HS3ST5: variants seen among roughly 807,000 people sequenced by gnomAD.
HS3ST5 encodes the protein heparan sulfate glucosamine 3-O-sulfotransferase 5.
In HS3ST5, 10 loss-of-function variants were observed where a neutral mutation model predicts 25.4. That is an observed-to-expected ratio of 0.39 (90% CI 0.24 to 0.67). The LOEUF (loss-of-function observed/expected upper bound fraction) is 0.67. Ranked by LOEUF, HS3ST5 falls within the 30% of genes least tolerant of loss-of-function variation. HS3ST5 has a pLI of 0.44. For missense variants in HS3ST5, 324 were observed against 420.7 expected (o/e 0.77, Z 2.01); for synonymous variants, 170 against 162.4 (o/e 1.05, Z -0.36).
At chr6:114,195,281 A>T (rs777373952) in intron 2 of HS3ST5, among the ~76,000 whole-genome samples, 1 of 152,142 alleles carries the variant, frequency 6.6e-6, no homozygotes, top group Non-Finnish European at 1.5e-5. Context: ...ATTTTGGTGA[A>T]GGGAAGTTGC....
chr6:114,243,171 C>T (rs1772219906), intron 1 of HS3ST5, among the ~76,000 whole-genome samples: 1 of 152,192 alleles, frequency 6.6e-6, no homozygotes, highest in African/African-American at 2.4e-5. Flanking sequence ...ACTCCTCAGC[C>T]TATCCCAGCC....
At chr6:114,318,436 A>C (rs537763214) in intron 1 of HS3ST5, among the ~76,000 whole-genome samples, 5 of 152,098 alleles carry the variant, frequency 3.3e-5, no homozygotes, top group Admixed American at 6.5e-5. Context: ...CAGACTCTTT[A>C]AGTAGATTTT....
At chr6:114,145,026 C>T (rs1299348036) in intron 3 of HS3ST5, among the ~76,000 whole-genome samples, 4 of 152,186 alleles carry the variant, frequency 2.6e-5, no homozygotes, top group Admixed American at 1.3e-4. Flanking sequence ...AAATTACTCT[C>T]ACTTGTGCTC....
chr6:114,185,812 T>A (rs1028641577), intron 2 of HS3ST5, among the ~76,000 whole-genome samples: 28 of 151,386 alleles, frequency 1.8e-4, no homozygotes, highest in African/African-American at 6.8e-4. Context: ...CAATCCCAGC[T>A]CACGCAGCCT....
chr6:114,246,714 G>A (rs887203519), intron 1 of HS3ST5, among the ~76,000 whole-genome samples: 1 of 152,146 alleles, frequency 6.6e-6, no homozygotes, highest in African/African-American at 2.4e-5. Flanking sequence ...ATATTGGCGC[G>A]TTTGTTTAGA....
chr6:114,071,037 G>A (rs1454450236), intron 3 of HS3ST5, among the ~76,000 whole-genome samples: 1 of 152,108 alleles, frequency 6.6e-6, no homozygotes, highest in African/African-American at 2.4e-5. Flanking sequence ...TTATCCACAA[G>A]ACCCTGTACT....
intron 1 of HS3ST5, among the ~76,000 whole-genome samples, chr6:114,254,400 G>C (rs934961933): frequency 1.3e-4 from 20 of 152,226 alleles, no homozygotes; most frequent in Admixed American, 1.2e-3. Context: ...CATACCCGTA[G>C]GGGTGCTAGG....
rs1346478673 is a variant in HS3ST5, at chr6:114,056,934, T to C, written c.*323A>G. On this transcript the variant is annotated 3_prime_UTR_variant, in exon 5 of 5. Coordinates refer to ENST00000312719, the MANE Select transcript of HS3ST5 (RefSeq NM_153612.4). ...ACACATTTATCTTTTGGCTTAAATCTATGAAAATGGCGGGTGACAAATTCT... is the reference window on the plus strand; with the variant it reads ...ACACATTTATCTTTTGGCTTAAATCCATGAAAATGGCGGGTGACAAATTCT... 4.4e-6 allele frequency: 1 copy of C among 226,096 alleles called. No individual in the cohort carries two copies. Among genetic ancestry groups the C allele is most frequent in the Admixed American group, 5.2e-5 (1 of 19,356 alleles). 14.0% of individuals were successfully genotyped at this position (226,096 alleles called of 1,614,324 possible).
chr6:114,341,171 G>GGA (rs796887416), intron 1 of HS3ST5, among the ~76,000 whole-genome samples: 13 of 82,690 alleles, frequency 1.6e-4, no homozygotes, highest in African/African-American at 7.4e-4. Flanking sequence ...GGGGAGGGAG[G>GGA]GAGGGAGAGG....
At chr6:114,340,864 TACTAAGTAAA>T (rs1450732234) in intron 1 of HS3ST5, 3 of 152,158 alleles carry the variant, frequency 2.0e-5, no homozygotes, top group Non-Finnish European at 4.4e-5. Context: ...ATGTAGAAAC[TACTAAGTAAA>T]ACCTTTGAGA....
At chr6:114,100,178 C>T (rs1359566755) in intron 3 of HS3ST5, among the ~76,000 whole-genome samples, 1 of 152,150 alleles carries the variant, frequency 6.6e-6, no homozygotes, top group African/African-American at 2.4e-5. Flanking sequence ...GAACCATACA[C>T]AAACAGACCA....
chr6:114,234,364 A>T (rs996832872), intron 1 of HS3ST5, among the ~76,000 whole-genome samples: 2 of 150,930 alleles, frequency 1.3e-5, no homozygotes, highest in Non-Finnish European at 3.0e-5. Context: ...CTCTTGCATG[A>T]AATGCATTTT....
chr6:114,280,642 A>G (rs1774065705), intron 1 of HS3ST5, among the ~76,000 whole-genome samples: 1 of 152,004 alleles, frequency 6.6e-6, no homozygotes, highest in African/African-American at 2.4e-5. Flanking sequence ...ATTTCAGTAC[A>G]ATTATTTTCC....
intron 1 of HS3ST5, among the ~76,000 whole-genome samples, chr6:114,255,683 A>G (rs1772873776): frequency 6.6e-6 from 1 of 152,172 alleles, no homozygotes; most frequent in Non-Finnish European, 1.5e-5. Context: ...TTCTGTGTAC[A>G]TGCAGGCCCA....
At chr6:114,219,013 C>T (rs557291775) in intron 2 of HS3ST5, among the ~76,000 whole-genome samples, 31 of 152,074 alleles carry the variant, frequency 2.0e-4, no homozygotes, top group Admixed American at 2.6e-4. Context: ...CTTTGTTACC[C>T]GTAAAGTGGT....
At chr6:114,238,642 A>T (rs1034861439) in intron 1 of HS3ST5, among the ~76,000 whole-genome samples, 1 of 152,132 alleles carries the variant, frequency 6.6e-6, no homozygotes, top group African/African-American at 2.4e-5. Flanking sequence ...AGTGTAAAGG[A>T]ATCATTGGGA....
At chr6:114,300,652 A>G (rs527678357) in intron 1 of HS3ST5, among the ~76,000 whole-genome samples, 1 of 152,294 alleles carries the variant, frequency 6.6e-6, no homozygotes, top group Non-Finnish European at 1.5e-5. Context: ...CCATTCCTAG[A>G]TACATATCCA....
intron 1 of HS3ST5, among the ~76,000 whole-genome samples, chr6:114,267,877 C>G (rs1004735446): frequency 1.3e-5 from 2 of 152,056 alleles, no homozygotes; most frequent in Non-Finnish European, 2.9e-5. Flanking sequence ...CCTAGAAAAA[C>G]TTTTATTATT....
At chr6:114,181,255 G>T (rs1779956332) in intron 2 of HS3ST5, among the ~76,000 whole-genome samples, 1 of 152,164 alleles carries the variant, frequency 6.6e-6, no homozygotes, top group Non-Finnish European at 1.5e-5. Context: ...GTGACCCGGG[G>T]AACATTGTGA....
Sources: allele counts gnomAD v4.1 joint callset (sites outside exome capture counted in the v4.1 genomes callset), GRCh38; gene constraint gnomAD v4.1.1; transcripts MANE v1.5; gene names NCBI Gene and HGNC (gene_info 2026-07-23, HGNC 2026-07-21).